The following PLA2R1 variants were observed in gnomAD, a reference collection of about 807,000 sequenced individuals.
The protein encoded by PLA2R1 is secretory phospholipase A2 receptor.
PLA2R1 carries 158 observed loss-of-function variants against 195.9 expected under a neutral mutation model. That is an observed-to-expected ratio of 0.81 (90% CI 0.71 to 0.92). The LOEUF (loss-of-function observed/expected upper bound fraction) is 0.92, where lower values mean the gene tolerates loss of function less well. Among genes scored for constraint, PLA2R1 ranks in the 40% least tolerant of loss-of-function variants. PLA2R1 has a pLI of 0.00. For missense variants in PLA2R1, 1,626 were observed against 1,764.6 expected (o/e 0.92, Z 1.41); for synonymous variants, 586 against 598.2 (o/e 0.98, Z 0.30).
chr2:160,020,501 A>G (rs983754024), intron 7 of PLA2R1, among the ~76,000 whole-genome samples: 1 of 152,148 alleles, frequency 6.6e-6, no homozygotes, highest in African/African-American at 2.4e-5. Flanking sequence ...CCAGTGTGGT[A>G]GTATTGAGAA....
At chr2:160,052,039 T>G (rs1479872940) in intron 1 of PLA2R1, among the ~76,000 whole-genome samples, 1 of 152,224 alleles carries the variant, frequency 6.6e-6, no homozygotes, top group East Asian at 1.9e-4. Flanking sequence ...TCCTTAACTC[T>G]TAGCCTTCTT....
At chr2:159,928,767 G>A (rs1311677048), downstream of PLA2R1, among the ~76,000 whole-genome samples, 1 of 152,150 alleles carries the variant, frequency 6.6e-6, no homozygotes, top group Non-Finnish European at 1.5e-5. Context: ...TAAGGCCATA[G>A]TCACCAAAAC....
Position 159,951,542 on chromosome 2 carries a change from T to A in PLA2R1, c.3338A>T (p.Tyr1113Phe), listed in dbSNP as rs761211038. 9 of 1,592,706 alleles carry A rather than the reference T, an allele frequency of 5.7e-6. No individual in the cohort carries two copies. The highest frequency in any genetic ancestry group is 7.8e-6 in the Non-Finnish European group (9 of 1,159,912). Residue 1113 changes from tyrosine to phenylalanine, a missense_variant, in exon 24 of 30, where the codon TAT (tyrosine) becomes TTT (phenylalanine). Coordinates refer to ENST00000283243, the MANE Select transcript of PLA2R1 (RefSeq NM_007366.5). ...ATATTCTAAGGTATTGGGCATTGGA[T>A]ACATATCAGATGTATTTACACCGTG... ...SGHGVNTSDM[Y>F]PMPNTLEYGN...
At chr2:159,962,520 A>C (rs905223836) in intron 20 of PLA2R1, among the ~76,000 whole-genome samples, 5 of 152,192 alleles carry the variant, frequency 3.3e-5, no homozygotes, top group Admixed American at 6.5e-5. Context: ...TTGACCCAGC[A>C]ATCCCATTAC....
rs759581937 is a variant in PLA2R1, at chr2:160,028,944, T to C, written c.861A>G (p.Thr287=). 5 of 1,588,608 alleles carry C rather than the reference T, an allele frequency of 3.1e-6. No homozygotes were observed. The Admixed American group carries it at 6.7e-5, about 21-fold the overall frequency. The change falls in exon 5 of 30, where the codon ACA becomes ACG. Residue 287 remains threonine, a synonymous_variant. Coordinates refer to ENST00000283243, the MANE Select transcript of PLA2R1 (RefSeq NM_007366.5). ...NFIREHMSSK[T]VEVWMGLNQL... ...GATTGAGGCCCATCCACACCTCCACTGTTTTACTGCTCATGTGCTCTGAAA... is the reference window on the plus strand; with the variant it reads ...GATTGAGGCCCATCCACACCTCCACCGTTTTACTGCTCATGTGCTCTGAAA...
Position 159,955,814 on chromosome 2 carries a change from T to A in PLA2R1, c.3037A>T (p.Asn1013Tyr), listed in dbSNP as rs773350950. Residue 1013 changes from asparagine (N) to tyrosine (Y), a missense_variant, in exon 22 of 30, where the codon AAT becomes TAT. Transcript: ENST00000283243. ...SEVEQAFITM[N>Y]LFGQTTSVWI... ...ACACTGGTGGTCTGGCCAAAAAGAT[T>A]CATAGTAATGAAAGCTGAAAAACAG... is the stretch of plus-strand genomic sequence containing the variant. The A allele has an allele frequency of 4.4e-6, 7 of 1,598,478 alleles. No individual in the cohort carries two copies. Among genetic ancestry groups the A allele is most frequent in the Non-Finnish European group, 6.0e-6 (7 of 1,170,430 alleles).
At chr2:160,041,539 T>C (rs1694518915) in intron 3 of PLA2R1, among the ~76,000 whole-genome samples, 2 of 152,012 alleles carry the variant, frequency 1.3e-5, no homozygotes, top group African/African-American at 4.8e-5. Flanking sequence ...TGTCAAGAAA[T>C]AATGAGGGCA....
chr2:159,982,640 T>C (rs1380624404), intron 13 of PLA2R1, among the ~76,000 whole-genome samples: 1 of 152,172 alleles, frequency 6.6e-6, no homozygotes. Context: ...TGTCAAAAAC[T>C]CCCAGCTTTA....
intron 8 of PLA2R1, among the ~76,000 whole-genome samples, chr2:160,018,378 C>T (rs916027049): frequency 3.9e-5 from 6 of 152,154 alleles, no homozygotes; most frequent in African/African-American, 7.2e-5. Context: ...CGCGGTTGCC[C>T]ATGCCAGTAA....
At position 159,977,272 on chromosome 2, in the gene PLA2R1, T is replaced by G; in HGVS notation, c.2401+12A>C. 1 of 1,597,902 alleles carries G rather than the reference T, an allele frequency of 6.3e-7. No homozygotes were observed. The highest frequency in any genetic ancestry group is 1.1e-5 in the South Asian group (1 of 90,250). On this transcript the variant is annotated intron_variant, in intron 15 of 29. Coordinates refer to ENST00000283243, the MANE Select transcript of PLA2R1 (RefSeq NM_007366.5). ...ATCAAACATATAGCAAAGATCTTACTACTATTTTTACCTCTTGGGATTTTG... is the reference window on the plus strand; with the variant it reads ...ATCAAACATATAGCAAAGATCTTACGACTATTTTTACCTCTTGGGATTTTG...
At chr2:159,975,678 T>A (rs368660523) in intron 17 of PLA2R1, among the ~76,000 whole-genome samples, 4 of 152,114 alleles carry the variant, frequency 2.6e-5, no homozygotes, top group Non-Finnish European at 2.9e-5. Flanking sequence ...TTGATTATGG[T>A]CTTTCTTCCC....
At chr2:160,062,196 C>T (rs1466158874) in intron 1 of PLA2R1, 99 bp downstream of exon 1, 6 of 985,682 alleles carry the variant, frequency 6.1e-6, no homozygotes, top group East Asian at 3.1e-5. Flanking sequence ...CCCTTGCCCG[C>T]CAGCTTGGCC....
chr2:160,024,070 G>A lies in PLA2R1; in HGVS notation c.1100-1211C>T, dbSNP rs1161486680. Among the ~76,000 whole-genome samples, 4 of 152,154 alleles carry A rather than the reference G, an allele frequency of 2.6e-5. No individual in the cohort carries two copies. The South Asian group carries it at 6.2e-4, about 24-fold the overall frequency. ...GGCACTAAGCCCATTTGAGGGAGCT[G>A]CCTGGAGTCTACAGGACTATGCTTG... On this transcript the variant is annotated intron_variant, in intron 6 of 29. Transcript: ENST00000283243.
At chr2:160,041,717 G>A (rs1010438248) in intron 3 of PLA2R1, among the ~76,000 whole-genome samples, 1 of 152,204 alleles carries the variant, frequency 6.6e-6, no homozygotes, top group African/African-American at 2.4e-5. Flanking sequence ...GAAGTATCCA[G>A]CCAAGAAGCT....
chr2:159,950,374 T>C (rs1687657477), intron 24 of PLA2R1, among the ~76,000 whole-genome samples: 1 of 152,244 alleles, frequency 6.6e-6, no homozygotes, highest in South Asian at 2.1e-4. Context: ...TGGTGCAAAC[T>C]CTTGGAGGGC....
chr2:159,945,035 A>C lies in PLA2R1; in HGVS notation c.4015T>G (p.Trp1339Gly). Residue 1339 changes from tryptophan (W) to glycine (G), a missense_variant, in exon 28 of 30, where the codon TGG (tryptophan) becomes GGG (glycine). Trp to Gly is a radical substitution (Grantham distance 184, BLOSUM62 -2). Transcript: ENST00000283243. ...FDGTPTDQSN[W>G]GIRKPDTDYF... ...TCTGTGTCTGGCTTCCGAATGCCCC[A>C]GTTTGACTGGTCTGTGGGAGTTCCA... 6.2e-7 allele frequency: 1 copy of C among 1,613,794 alleles called. No individual in the cohort carries two copies. Among genetic ancestry groups the C allele is most frequent in the Non-Finnish European group, 8.5e-7 (1 of 1,179,814 alleles).
intron 11 of PLA2R1, among the ~76,000 whole-genome samples, chr2:159,988,221 A>G (rs772007849): frequency 5.3e-5 from 8 of 152,002 alleles, no homozygotes; most frequent in Non-Finnish European, 1.2e-4. Context: ...CTATTCCAAA[A>G]ATAGAATTAA....
Position 159,932,773 on chromosome 2 carries a change from G to C in PLA2R1, c.*9005C>G, listed in dbSNP as rs1246535028. 6.6e-6 allele frequency: 1 copy of C among 152,136 alleles called. No homozygotes were observed. The highest frequency in any genetic ancestry group is 1.5e-5 in the Non-Finnish European group (1 of 68,006). 9.4% of individuals were successfully genotyped at this position (152,136 alleles called of 1,614,324 possible). A position where few individuals can be genotyped will look rare whatever the true frequency, so the allele number is the denominator to read the frequency against. ...AAAACCACAGTTTCAGTGCTAGGGAGGGCAAGGAGAAAACATTATAAATGG... is the reference window on the plus strand; with the variant it reads ...AAAACCACAGTTTCAGTGCTAGGGACGGCAAGGAGAAAACATTATAAATGG... On this transcript the variant is annotated 3_prime_UTR_variant, in exon 30 of 30. Transcript: ENST00000283243.
chr2:160,010,338 GA>G (rs1176161849), intron 10 of PLA2R1, among the ~76,000 whole-genome samples: 1 of 152,160 alleles, frequency 6.6e-6, no homozygotes, highest in Non-Finnish European at 1.5e-5. Context: ...GGCCAGGCCT[GA>G]AAAAATTTTG....
Sources: allele counts gnomAD v4.1 joint callset (sites outside exome capture counted in the v4.1 genomes callset), GRCh38; gene constraint gnomAD v4.1.1; transcripts MANE v1.5; gene names NCBI Gene and HGNC (gene_info 2026-07-23, HGNC 2026-07-21).